COL4A1: variants seen among roughly 807,000 people sequenced by gnomAD.
COL4A1 encodes collagen alpha-1(IV) chain.
A neutral mutation model predicts 216.6 loss-of-function variants in COL4A1; 40 were observed. The observed-to-expected ratio is 0.18, with a 90% CI of 0.14 to 0.24. The LOEUF (loss-of-function observed/expected upper bound fraction) is 0.24, where lower values mean the gene tolerates loss of function less well. Among genes scored for constraint, COL4A1 ranks in the 10% least tolerant of loss-of-function variants. The pLI is 1.00. For synonymous variants in COL4A1, 839 were observed against 810.7 expected (o/e 1.03, Z -0.59); for missense variants, 1,628 against 2,196.8 (o/e 0.74, Z 5.18).
intron 42 of COL4A1, among the ~76,000 whole-genome samples, 167 bp from the exon 43 acceptor site, chr13:110,169,929 G>GGAGGAAGGGAGGA (rs1555302275): frequency 0.016 from 2,196 of 140,590 alleles, 20 homozygotes; most frequent in Non-Finnish European, 0.024. Context: ...AGGAAGGAAG[G>GGAGGAAGGGAGGA]AGGGAGGGAG....
At chr13:110,215,971 G>A (rs1489402210) in intron 2 of COL4A1, among the ~76,000 whole-genome samples, 1 of 152,202 alleles carries the variant, frequency 6.6e-6, no homozygotes. Context: ...TCGTTGAAAG[G>A]ATATGTCAGG....
At position 110,307,120 on chromosome 13, in the gene COL4A1, C is replaced by G. The variant is rs1297376210; in HGVS notation, c.-93G>C. 2.0e-6 allele frequency: 2 copies of G among 1,022,628 alleles called. No homozygotes were observed. The highest frequency in any genetic ancestry group is 7.8e-5 in the Admixed American group (2 of 25,616). The allele number at this position is 1,022,628 out of a possible 1,614,324, so 63.3% of individuals were successfully genotyped here. Reference sequence around the variant, plus strand: ...TCGGAAGGCCGGACTTCCAGCGCTACGCACCGTCCCGGGTGCGGCGGCTCC... The same window carrying G: ...TCGGAAGGCCGGACTTCCAGCGCTAGGCACCGTCCCGGGTGCGGCGGCTCC... On this transcript the variant is annotated 5_prime_UTR_variant, in exon 1 of 52. Coordinates refer to ENST00000375820, the MANE Select transcript of COL4A1 (RefSeq NM_001845.6). This position sits in a 1 kb window ranked among gnomAD's most constrained non-coding sequence, Gnocchi z 5.0.
At position 110,203,730 on chromosome 13, in the gene COL4A1, T is replaced by A; in HGVS notation, c.958-123A>T. On this transcript the variant is annotated intron_variant, in intron 17 of 51. Coordinates refer to ENST00000375820, the MANE Select transcript of COL4A1 (RefSeq NM_001845.6). ...CTACAGTAAATTAAAACTATTTTTC[T>A]CTCTTTAATATCTCTCATTCTGTGA... is the stretch of plus-strand genomic sequence containing the variant. The A allele has an allele frequency of 3.9e-6, 4 of 1,033,664 alleles. No individual in the cohort carries two copies. In the East Asian group the frequency reaches 9.6e-5, roughly 25 times the overall value. The allele number at this position is 1,033,664 out of a possible 1,614,324, so 64.0% of individuals were successfully genotyped here. A position where few individuals can be genotyped will look rare whatever the true frequency, so the allele number is the denominator to read the frequency against.
chr13:110,183,615 G>A (rs746161983), intron 26 of COL4A1, among the ~76,000 whole-genome samples: 18 of 152,310 alleles, frequency 1.2e-4, no homozygotes, highest in South Asian at 2.1e-4. Context: ...TTAGTGAGCC[G>A]GTCTCAAAAA....
chr13:110,292,684 A>C (rs975872775), intron 1 of COL4A1, among the ~76,000 whole-genome samples: 1 of 152,158 alleles, frequency 6.6e-6, no homozygotes, highest in Non-Finnish European at 1.5e-5. Flanking sequence ...ATCTCATGAG[A>C]ACTCACTCAC....
At chr13:110,156,403 T>C (rs1243223048) in intron 49 of COL4A1, among the ~76,000 whole-genome samples, 1 of 152,252 alleles carries the variant, frequency 6.6e-6, no homozygotes, top group African/African-American at 2.4e-5. Flanking sequence ...CATGCTTTAA[T>C]GAACTTAAGG....
chr13:110,150,107 A>G lies in COL4A1; in HGVS notation c.*256T>C, dbSNP rs1876428540. 1.9e-6 allele frequency: 1 copy of G among 517,046 alleles called. No individual in the cohort carries two copies. Among genetic ancestry groups the G allele is most frequent in the East Asian group, 3.6e-5 (1 of 27,724 alleles). 32.0% of individuals were successfully genotyped at this position (517,046 alleles called of 1,614,324 possible). A position where few individuals can be genotyped will look rare whatever the true frequency, so the allele number is the denominator to read the frequency against. On this transcript the variant is annotated 3_prime_UTR_variant, in exon 52 of 52. Transcript: ENST00000375820. The stretch of plus-strand genomic sequence containing the variant: ...TTCACACATCAGTGCATTGGATTGC[A>G]GAAAATATTGATATTTTATTTCATC...
At chr13:110,160,924 G>C in intron 49 of COL4A1, 1 of 470,326 alleles carries the variant, frequency 2.1e-6, no homozygotes, top group South Asian at 2.1e-5. Context: ...GCCCAGGCTG[G>C]TCTTGAACTC....
At chr13:110,209,295 T>C in intron 11 of COL4A1, 97 bp downstream of exon 11, 2 of 1,162,160 alleles carry the variant, frequency 1.7e-6, no homozygotes, top group Non-Finnish European at 2.5e-6. Context: ...TTTCCAACTT[T>C]TTTTTAGAGA....
chr13:110,195,513 A>C (rs971302357), intron 21 of COL4A1, among the ~76,000 whole-genome samples: 1 of 152,202 alleles, frequency 6.6e-6, no homozygotes, highest in South Asian at 2.1e-4. Context: ...CAAAGCTGAG[A>C]CTAGAAAAAT....
intron 18 of COL4A1, 120 bp downstream of exon 18, chr13:110,203,446 C>T (rs1879334880): frequency 5.4e-6 from 6 of 1,110,638 alleles, no homozygotes; most frequent in African/African-American, 1.5e-5. Flanking sequence ...TCCTTCCTCT[C>T]CCAGCGCTCT....
intron 2 of COL4A1, among the ~76,000 whole-genome samples, chr13:110,229,074 A>G (rs1880886920): frequency 6.6e-6 from 1 of 151,422 alleles, no homozygotes; most frequent in Non-Finnish European, 1.5e-5. Context: ...CATTGGCTCA[A>G]TACTGCAGAG....
intron 49 of COL4A1, among the ~76,000 whole-genome samples, chr13:110,155,707 TCAAG>T (rs1236403674): frequency 6.6e-6 from 1 of 152,088 alleles, no homozygotes; most frequent in African/African-American, 2.4e-5. Context: ...GGTCAGGAGT[TCAAG>T]TCCAGCCTGA....
intron 43 of COL4A1, among the ~76,000 whole-genome samples, chr13:110,169,093 T>G (rs1344352326): frequency 6.6e-6 from 1 of 151,622 alleles, no homozygotes; most frequent in Non-Finnish European, 1.5e-5. Flanking sequence ...TATTGCACCC[T>G]GAGATGTGCT....
intron 1 of COL4A1, among the ~76,000 whole-genome samples, chr13:110,247,827 G>C (rs1179831244): frequency 7.6e-6 from 1 of 131,328 alleles, no homozygotes; most frequent in Non-Finnish European, 1.6e-5. Context: ...GTGTGTGTGT[G>C]TGTGTGTGGC....
chr13:110,271,634 G>A (rs1160005200), intron 1 of COL4A1, among the ~76,000 whole-genome samples: 1 of 152,194 alleles, frequency 6.6e-6, no homozygotes, highest in Non-Finnish European at 1.5e-5. Flanking sequence ...GAAAGACTGA[G>A]GATGTGTTTA....
chr13:110,253,714 T>C, intron 1 of COL4A1, among the ~76,000 whole-genome samples: 1 of 141,574 alleles, frequency 7.1e-6, no homozygotes, highest in Non-Finnish European at 1.5e-5. Flanking sequence ...ATGTATTACA[T>C]ATACGTATAA....
chr13:110,164,464 A>G (rs527953376), intron 46 of COL4A1, among the ~76,000 whole-genome samples: 2 of 152,324 alleles, frequency 1.3e-5, no homozygotes, highest in Non-Finnish European at 2.9e-5. Flanking sequence ...AGAGAATTGT[A>G]CAGACAGTGC....
At chr13:110,288,713 C>T (rs953409196) in intron 1 of COL4A1, among the ~76,000 whole-genome samples, 42 of 152,290 alleles carry the variant, frequency 2.8e-4, no homozygotes, top group African/African-American at 9.6e-4. Context: ...TGTTGAAATG[C>T]CTCAAGCCTC....
Sources: gnomAD v4.1 joint callset for allele counts (sites outside exome capture counted in the v4.1 genomes callset) on GRCh38, gnomAD v4.1.1 for gene constraint, Gnocchi (gnomAD v3.1) non-coding constraint, MANE v1.5 for transcripts, NCBI Gene and HGNC (gene_info 2026-07-23, HGNC 2026-07-21) for gene names.